Variants in PPFIBP1 observed in about 807,000 individuals in gnomAD.
The protein encoded by PPFIBP1 is PPFIB scaffold protein 1, also known as liprin-beta-1.
A neutral mutation model predicts 137.8 loss-of-function variants in PPFIBP1; 112 were observed. That is an observed-to-expected ratio of 0.81 (90% CI 0.70 to 0.95). The LOEUF (loss-of-function observed/expected upper bound fraction) is 0.95, where lower values mean the gene tolerates loss of function less well. Among genes scored for constraint, PPFIBP1 ranks in the 40% least tolerant of loss-of-function variants. The pLI is 0.00. For missense variants in PPFIBP1, 1,083 were observed against 1,196.6 expected, an observed-to-expected ratio of 0.91 and a Z score of 1.40; for synonymous variants, 378 against 417.3, an observed-to-expected ratio of 0.91 and a Z score of 1.15.
chr12:27,678,881 A>AAAAAAAAAAAAAAAAAAAC (rs2060707182), intron 19 of PPFIBP1, among the ~76,000 whole-genome samples: 2 of 143,280 alleles, frequency 1.4e-5, no homozygotes, highest in African/African-American at 5.5e-5. Flanking sequence ...AAAAAAAAAA[A>AAAAAAAAAAAAAAAAAAAC]CATTTAAGAG....
chr12:27,649,461 A>G (rs1162611364), intron 6 of PPFIBP1, among the ~76,000 whole-genome samples: 14 of 152,338 alleles, frequency 9.2e-5, no homozygotes, highest in Admixed American at 9.2e-4. Flanking sequence ...ATGCATGTGT[A>G]TCTACACAAC....
At chr12:27,554,442 G>T (rs1348084182) in intron 1 of PPFIBP1, among the ~76,000 whole-genome samples, 1 of 152,216 alleles carries the variant, frequency 6.6e-6, no homozygotes, top group African/African-American at 2.4e-5. Context: ...GTTGAAACCA[G>T]GCTGGGAGAG....
At position 27,573,062 on chromosome 12, in the gene PPFIBP1, T is replaced by A. The variant is rs1372551942; in HGVS notation, c.-123-5090T>A. ...ATGTTTATTGGTTGGCTGGGCTCCA[T>A]GTAACTAACACAGCCCAAGCTTGTG... On this transcript the variant is annotated intron_variant, in intron 1 of 29. Coordinates refer to ENST00000228425, the MANE Select transcript of PPFIBP1 (RefSeq NM_003622.4). Among the ~76,000 whole-genome samples, 3 of 152,344 alleles carry A rather than the reference T, an allele frequency of 2.0e-5. No individual in the cohort carries two copies. In the East Asian group the frequency reaches 5.8e-4, roughly 29 times the overall value.
chr12:27,607,049 A>G (rs2054595054), intron 2 of PPFIBP1, among the ~76,000 whole-genome samples: 1 of 152,240 alleles, frequency 6.6e-6, no homozygotes. Context: ...CTCAGCATGC[A>G]TTCCATGTGA....
Position 27,600,253 on chromosome 12 carries a change from C to T in PPFIBP1, c.-36+22014C>T, listed in dbSNP as rs537492601. The stretch of plus-strand genomic sequence containing the variant: ...AGGAGTTTGAGACCAGCCTGGCCAA[C>T]GGTGAAACACCATCTCTACTAAAAT... On this transcript the variant is annotated intron_variant, in intron 2 of 29. Transcript: ENST00000228425. 1.1e-3 allele frequency among the ~76,000 whole-genome samples: 165 copies of T among 152,112 alleles called. 1 individual carries two copies. Among genetic ancestry groups the T allele is most frequent in the Middle Eastern group, 6.8e-3 (2 of 294 alleles).
At chr12:27,660,190 C>T (rs1189649779) in intron 10 of PPFIBP1, among the ~76,000 whole-genome samples, 3 of 152,068 alleles carry the variant, frequency 2.0e-5, no homozygotes, top group Admixed American at 6.6e-5. Context: ...CCACACCAGG[C>T]CCTGGAGTGA....
chr12:27,682,740 C>CT (rs1390330185), intron 24 of PPFIBP1, 37 bp downstream of exon 24: 1 of 1,612,664 alleles, frequency 6.2e-7, no homozygotes, highest in Non-Finnish European at 8.5e-7. Flanking sequence ...GGGAGGAAAA[C>CT]TTTTTTTCTC....
In PPFIBP1 at chr12:27,680,056, T is replaced by C. The variant is rs764971796; in HGVS notation, c.1890T>C (p.Ser630=). Residue 630 remains serine (S), a synonymous_variant, in exon 21 of 30, where the codon TCT becomes TCC. Transcript: ENST00000228425. ...RLGWSRDLGQ[S]NSDLDMPFAK... ...GTTGGTCTCGAGACTTGGGACAGTC[T>C]AACAGGTAAGAAGAGCCAACTGATA... 5.0e-6 allele frequency: 8 copies of C among 1,613,840 alleles called. No individual in the cohort carries two copies. The highest frequency in any genetic ancestry group is 5.1e-6 in the Non-Finnish European group (6 of 1,179,930).
chr12:27,594,686 A>T (rs896785005), intron 2 of PPFIBP1, among the ~76,000 whole-genome samples: 1 of 152,256 alleles, frequency 6.6e-6, no homozygotes, highest in Non-Finnish European at 1.5e-5. Context: ...AAAGATCATT[A>T]TATAAAATTG....
At chr12:27,633,835 CTT>C (rs56705005) in intron 3 of PPFIBP1, among the ~76,000 whole-genome samples, 5,146 of 112,908 alleles carry the variant, frequency 0.046, 376 homozygotes, top group Admixed American at 0.21. Flanking sequence ...ACTCCCGTAT[CTT>C]TTTTTTTTTT....
intron 2 of PPFIBP1, among the ~76,000 whole-genome samples, chr12:27,619,384 CA>C (rs1157688300): frequency 7.9e-5 from 12 of 152,172 alleles, no homozygotes; most frequent in Middle Eastern, 3.4e-3. Flanking sequence ...GTCACAGACA[CA>C]TTTTTTTTTC....
intron 2 of PPFIBP1, chr12:27,593,770 C>A: frequency 1.3e-6 from 1 of 780,204 alleles, no homozygotes; most frequent in Non-Finnish European, 2.0e-6. Flanking sequence ...ATGTCCCAGG[C>A]CAGGAAGATG....
intron 2 of PPFIBP1, chr12:27,599,485 C>T (rs1482903292): frequency 2.2e-6 from 1 of 455,892 alleles, no homozygotes; most frequent in Non-Finnish European, 4.4e-6. Flanking sequence ...AATGCGTGAG[C>T]CAATTCCTTA....
intron 1 of PPFIBP1, among the ~76,000 whole-genome samples, chr12:27,559,262 A>G (rs970025692): frequency 6.6e-6 from 1 of 151,882 alleles, no homozygotes; most frequent in African/African-American, 2.4e-5. Flanking sequence ...CCCGCCTCCC[A>G]GGTTCATGCC....
chr12:27,556,685 T>A (rs1053808215), intron 1 of PPFIBP1, among the ~76,000 whole-genome samples: 1 of 152,204 alleles, frequency 6.6e-6, no homozygotes, highest in Non-Finnish European at 1.5e-5. Context: ...AAGCTACTTT[T>A]AAGCCAACAC....
chr12:27,640,706 T>C (rs1168138736), intron 4 of PPFIBP1, among the ~76,000 whole-genome samples: 3 of 151,914 alleles, frequency 2.0e-5, no homozygotes, highest in Non-Finnish European at 4.4e-5. Context: ...ATCACTGATA[T>C]CATGTTCTTT....
chr12:27,558,756 G>T (rs950172935), intron 1 of PPFIBP1, among the ~76,000 whole-genome samples: 1 of 152,104 alleles, frequency 6.6e-6, no homozygotes, highest in South Asian at 2.1e-4. Flanking sequence ...TTATCGCAAA[G>T]CTTTACTAGC....
At chr12:27,689,341 G>A (rs1353251043) in intron 27 of PPFIBP1, 138 bp downstream of exon 27, 6 of 689,352 alleles carry the variant, frequency 8.7e-6, no homozygotes, top group Non-Finnish European at 1.3e-5. Context: ...AATCCTCAGC[G>A]CTTAGTTGTC....
intron 1 of PPFIBP1, among the ~76,000 whole-genome samples, chr12:27,525,513 GA>G (rs56656340): frequency 0.52 from 48,363 of 93,502 alleles, 11,777 homozygotes; most frequent in Middle Eastern, 0.66. Context: ...GAGCAGGAAG[GA>G]AAAAAAAAAA....
Sources: allele counts gnomAD v4.1 joint callset (sites outside exome capture counted in the v4.1 genomes callset), GRCh38; gene constraint gnomAD v4.1.1; transcripts MANE v1.5; gene names NCBI Gene and HGNC (gene_info 2026-07-23, HGNC 2026-07-21).